PLA2G4E: variants seen among roughly 807,000 people sequenced by gnomAD.
PLA2G4E encodes the protein phospholipase A2 group IVE.
Under a neutral mutation model 109.1 loss-of-function variants are expected in PLA2G4E, and 84 were observed. The ratio of observed to expected loss-of-function variants is 0.77; its 90% CI spans 0.65 to 0.92. The LOEUF (loss-of-function observed/expected upper bound fraction) is 0.92, where lower values mean the gene tolerates loss of function less well. Ranked by LOEUF, PLA2G4E falls within the 40% of genes least tolerant of loss-of-function variation. The pLI is 0.00. For synonymous variants in PLA2G4E, 469 were observed against 436.1 expected, an observed-to-expected ratio of 1.08 and a Z score of -0.94; for missense variants, 1,057 against 1,076.6, an observed-to-expected ratio of 0.98 and a Z score of 0.25.
chr15:41,984,041 C>T, intron 19 of PLA2G4E, 67 bp from the exon 20 acceptor site: 1 of 1,453,368 alleles, frequency 6.9e-7, no homozygotes. Flanking sequence ...GTTTCCACAT[C>T]TCTCCCCAAG....
intron 1 of PLA2G4E, among the ~76,000 whole-genome samples, chr15:42,019,134 A>T (rs907333886): frequency 1.3e-5 from 2 of 152,192 alleles, no homozygotes; most frequent in African/African-American, 4.8e-5. Context: ...GCAGGTCTTC[A>T]GGGCGCATGC....
intron 1 of PLA2G4E, among the ~76,000 whole-genome samples, chr15:42,025,955 T>C (rs2068689949): frequency 6.6e-6 from 1 of 152,236 alleles, no homozygotes; most frequent in Admixed American, 6.5e-5. Context: ...ATTTATATAA[T>C]GTTAGGTGGA....
chr15:41,984,491 G>A (rs779704584), exon 19 of PLA2G4E: 5 of 1,613,932 alleles, frequency 3.1e-6, no homozygotes, highest in Non-Finnish European at 4.2e-6. Flanking sequence ...AAGTCACGAT[G>A]GGGGCATCGG....
chr15:41,995,537 A>G (rs1204925749), intron 11 of PLA2G4E, 41 bp from the exon 12 acceptor site: 1 of 1,606,028 alleles, frequency 6.2e-7, no homozygotes, highest in Non-Finnish European at 8.5e-7. Flanking sequence ...AAGGCTCCAG[A>G]AGCAAAGCTT....
intron 16 of PLA2G4E, 42 bp from the exon 17 acceptor site, chr15:41,987,417 G>C (rs2141022453): frequency 6.3e-7 from 1 of 1,581,750 alleles, no homozygotes. Context: ...ATGAGAGGTG[G>C]AGTCCCCAGA....
chr15:41,988,378 C>T (rs909479306), intron 15 of PLA2G4E, among the ~76,000 whole-genome samples: 3 of 152,044 alleles, frequency 2.0e-5, no homozygotes, highest in African/African-American at 4.8e-5. Context: ...CCCTCAGTGC[C>T]GGGAGACGTA....
intron 1 of PLA2G4E, among the ~76,000 whole-genome samples, chr15:42,014,399 C>T (rs947618004): frequency 7.9e-5 from 12 of 152,190 alleles, no homozygotes; most frequent in African/African-American, 2.7e-4. Context: ...AATGAACGCC[C>T]ATGGCAAGGG....
At chr15:42,007,892 A>C in intron 2 of PLA2G4E, 27 bp from the exon 3 acceptor site, 1 of 1,582,776 alleles carries the variant, frequency 6.3e-7, no homozygotes, top group South Asian at 1.2e-5. Flanking sequence ...AGTGGAACCA[A>C]TCCAGGTTCA....
chr15:42,010,136 C>CCA (rs1555387008), intron 2 of PLA2G4E: 5 of 471,424 alleles, frequency 1.1e-5, no homozygotes, highest in African/African-American at 2.3e-5. Flanking sequence ...ACACTGGCCC[C>CCA]CCCACCCCGG....
intron 2 of PLA2G4E, chr15:42,009,126 C>T (rs1286438189): frequency 6.6e-6 from 1 of 152,192 alleles, no homozygotes; most frequent in Non-Finnish European, 1.5e-5. Context: ...AGATGACACT[C>T]TCTTTTAGAT....
intron 16 of PLA2G4E, among the ~76,000 whole-genome samples, chr15:41,987,733 G>A (rs964304438): frequency 5.3e-5 from 8 of 152,108 alleles, no homozygotes; most frequent in Non-Finnish European, 1.2e-4. Flanking sequence ...CTCACCTACA[G>A]TCACCCTCCC....
At chr15:42,005,063 T>C in intron 4 of PLA2G4E, 85 bp from the exon 5 acceptor site, 1 of 1,513,668 alleles carries the variant, frequency 6.6e-7, no homozygotes, top group South Asian at 1.2e-5. Context: ...TGGGAGCCGC[T>C]GTGGACCTGC....
At position 42,032,116 on chromosome 15, in the gene PLA2G4E, C is replaced by G. The variant is rs1008496044; in HGVS notation, c.184-18359G>C. 8.5e-5 allele frequency among the ~76,000 whole-genome samples: 13 copies of G among 152,336 alleles called. 1 individual carries two copies. The highest frequency in any genetic ancestry group is 7.8e-4 in the Admixed American group (12 of 15,304). On this transcript the variant is annotated intron_variant, in intron 1 of 19. Transcript: ENST00000399518. ...AACATGCTTGCTCCCTGTCAGCCTTCTGCCACGAGTAAAAGCTTCCTGAGG... is the reference window on the plus strand; with the variant it reads ...AACATGCTTGCTCCCTGTCAGCCTTGTGCCACGAGTAAAAGCTTCCTGAGG...
At chr15:41,990,674 T>G (rs193147957) in intron 13 of PLA2G4E, among the ~76,000 whole-genome samples, 4 of 151,862 alleles carry the variant, frequency 2.6e-5, no homozygotes, top group Admixed American at 2.6e-4. Context: ...GGGTAAAAAG[T>G]TGGGGGAAAA....
intron 1 of PLA2G4E, among the ~76,000 whole-genome samples, chr15:42,014,034 G>A (rs1192965330): frequency 6.6e-6 from 1 of 151,962 alleles, no homozygotes; most frequent in African/African-American, 2.4e-5. Flanking sequence ...TGGGGTTACA[G>A]GTGTCTGCCA....
intron 7 of PLA2G4E, among the ~76,000 whole-genome samples, chr15:42,000,758 G>C (rs995467647): frequency 6.6e-6 from 1 of 152,302 alleles, no homozygotes; most frequent in African/African-American, 2.4e-5. Flanking sequence ...CAGCTATAAA[G>C]TGCTAGGACC....
At chr15:42,018,804 C>A (rs971434271) in intron 1 of PLA2G4E, among the ~76,000 whole-genome samples, 7 of 152,112 alleles carry the variant, frequency 4.6e-5, no homozygotes, top group Non-Finnish European at 8.8e-5. Flanking sequence ...GGGGACCTTG[C>A]CAGCTCATGT....
intron 3 of PLA2G4E, chr15:42,006,325 G>A: frequency 1.9e-6 from 1 of 517,518 alleles, no homozygotes; most frequent in Non-Finnish European, 3.2e-6. Flanking sequence ...CCAACTCCCT[G>A]AAGCCTTCTT....
chr15:41,986,281 C>G (rs1271314371), intron 17 of PLA2G4E, among the ~76,000 whole-genome samples: 1 of 152,170 alleles, frequency 6.6e-6, no homozygotes, highest in Non-Finnish European at 1.5e-5. Flanking sequence ...GTCAGCTGTC[C>G]CATTGGCCCC....
Sources: allele counts gnomAD v4.1 joint callset (sites outside exome capture counted in the v4.1 genomes callset), GRCh38; gene constraint gnomAD v4.1.1; transcripts MANE v1.5; gene names NCBI Gene and HGNC (gene_info 2026-07-23, HGNC 2026-07-21).